The following DET1 variants were observed in gnomAD, a reference collection of about 807,000 sequenced individuals.
The protein encoded by DET1 is DET1 partner of COP1 E3 ubiquitin ligase.
Under a neutral mutation model 43.7 loss-of-function variants are expected in DET1, and 22 were observed. That is an observed-to-expected ratio of 0.50 (90% confidence interval 0.36 to 0.72). The LOEUF (loss-of-function observed/expected upper bound fraction) is 0.72. Among genes scored for constraint, DET1 ranks in the 30% least tolerant of loss-of-function variants. DET1 has a pLI of 0.00. For missense variants in DET1, 713 were observed against 713.3 expected (o/e 1.00, Z 0.00); for synonymous variants, 315 against 266.2 (o/e 1.18, Z -1.79).
At chr15:88,522,254 G>A (rs907699502) in intron 3 of DET1, among the ~76,000 whole-genome samples, 6 of 152,110 alleles carry the variant, frequency 3.9e-5, no homozygotes, top group African/African-American at 1.4e-4. Context: ...GAACTGGATG[G>A]TCCTGCCAAT....
At position 88,531,167 on chromosome 15, in the gene DET1, A is replaced by G; in HGVS notation, c.539T>C (p.Val180Ala). Residue 180 changes from valine to alanine, a missense_variant, in exon 2 of 5, where the codon GTG (valine) becomes GCG (alanine). Coordinates refer to ENST00000268148, the MANE Select transcript of DET1 (RefSeq NM_001144074.3). The surrounding 1 kb of genome is among the most constrained non-coding windows in gnomAD (Gnocchi z 6.2). Reference protein sequence around the residue: ...FFEVYRNSESVTPNPRSPLED... With the variant: ...FFEVYRNSESATPNPRSPLED... ...TAGAGGGGACCGTGGGTTGGGGGTC[A>G]CTGATTCACTGTTCCGATATACCTC... is the stretch of plus-strand genomic sequence containing the variant. 1 of 1,613,888 alleles carries G rather than the reference A, an allele frequency of 6.2e-7. No individual in the cohort carries two copies. The highest frequency in any genetic ancestry group is 8.5e-7 in the Non-Finnish European group (1 of 1,179,840).
intron 1 of DET1, among the ~76,000 whole-genome samples, chr15:88,539,400 G>A (rs1176058357): frequency 6.7e-6 from 1 of 149,550 alleles, no homozygotes; most frequent in Non-Finnish European, 1.5e-5. Context: ...AAGTGACCAG[G>A]TGGGCATCTG....
intron 1 of DET1, among the ~76,000 whole-genome samples, chr15:88,542,416 G>T (rs201802175): frequency 6.6e-6 from 1 of 152,080 alleles, no homozygotes; most frequent in African/African-American, 2.4e-5. Flanking sequence ...AGTTGTCCAG[G>T]GGCCTGATGA....
At position 88,512,547 on chromosome 15, in the gene DET1, G is replaced by A. The variant is rs1158160390; in HGVS notation, c.*404C>T. ...GATAGCCGTGCTTATGAGCTAAATG[G>A]AAAGGATGTATGTCATTCTCATCAG... is the stretch of plus-strand genomic sequence containing the variant. On this transcript the variant is annotated 3_prime_UTR_variant, in exon 5 of 5. Coordinates refer to ENST00000268148, the MANE Select transcript of DET1 (RefSeq NM_001144074.3). 2.0e-6 allele frequency: 2 copies of A among 993,110 alleles called. No individual in the cohort carries two copies. Among genetic ancestry groups the A allele is most frequent in the East Asian group, 2.2e-4 (2 of 9,154 alleles). 61.5% of individuals were successfully genotyped at this position (993,110 alleles called of 1,614,324 possible). A position where few individuals can be genotyped will look rare whatever the true frequency, so the allele number is the denominator to read the frequency against.
At chr15:88,524,213 G>A (rs896773205) in intron 3 of DET1, among the ~76,000 whole-genome samples, 4 of 151,044 alleles carry the variant, frequency 2.6e-5, no homozygotes, top group African/African-American at 4.9e-5. Flanking sequence ...CCGCCAGCCC[G>A]TCTGGGAGGT....
At chr15:88,545,828 A>G (rs1389284757) in intron 1 of DET1, among the ~76,000 whole-genome samples, 1 of 150,898 alleles carries the variant, frequency 6.6e-6, no homozygotes, top group South Asian at 2.1e-4. Flanking sequence ...CCCTTCCTCA[A>G]GGACTTAACT....
chr15:88,545,691 G>C (rs1177633060), intron 1 of DET1, among the ~76,000 whole-genome samples: 1 of 150,374 alleles, frequency 6.7e-6, no homozygotes, highest in Non-Finnish European at 1.5e-5. Context: ...AGGAATCAAT[G>C]ATTTGATTCC....
intron 1 of DET1, among the ~76,000 whole-genome samples, chr15:88,535,702 G>A (rs2056930273): frequency 1.3e-5 from 2 of 152,044 alleles, no homozygotes; most frequent in Non-Finnish European, 2.9e-5. Flanking sequence ...GCTGAAGTGA[G>A]CTGAGATCAT....
At chr15:88,527,920 C>G in intron 2 of DET1, 134 bp from the exon 3 acceptor site, 2 of 562,802 alleles carry the variant, frequency 3.6e-6, no homozygotes, top group East Asian at 3.3e-5. Context: ...ACAACAACAA[C>G]AAGCAAACAC....
At chr15:88,536,594 A>T (rs1333317617) in intron 1 of DET1, among the ~76,000 whole-genome samples, 1 of 152,002 alleles carries the variant, frequency 6.6e-6, no homozygotes, top group East Asian at 1.9e-4. Flanking sequence ...CCTGGCCAAC[A>T]TAGTGAAACT....
intron 3 of DET1, among the ~76,000 whole-genome samples, chr15:88,524,125 G>T (rs1348486912): frequency 1.3e-5 from 2 of 151,364 alleles, no homozygotes; most frequent in East Asian, 3.9e-4. Context: ...CCTCTGCCCG[G>T]CCGCCCCGTC....
intron 3 of DET1, among the ~76,000 whole-genome samples, chr15:88,522,711 G>T (rs1474867572): frequency 6.6e-6 from 1 of 150,988 alleles, no homozygotes; most frequent in Non-Finnish European, 1.5e-5. Flanking sequence ...GAAGAGACGG[G>T]GTTTCACCAT....
intron 1 of DET1, chr15:88,532,016 A>G: frequency 4.0e-6 from 1 of 252,684 alleles, no homozygotes; most frequent in South Asian, 8.1e-5. Flanking sequence ...TATAAGACAC[A>G]TTCGGCTGGG....
intron 3 of DET1, among the ~76,000 whole-genome samples, chr15:88,524,779 C>G (rs2056615674): frequency 6.6e-6 from 1 of 152,008 alleles, no homozygotes; most frequent in South Asian, 2.1e-4. Flanking sequence ...TCACCACTCC[C>G]TAATCTCAAG....
At chr15:88,528,741 C>T (rs1490286948) in intron 2 of DET1, among the ~76,000 whole-genome samples, 1 of 152,228 alleles carries the variant, frequency 6.6e-6, no homozygotes, top group South Asian at 2.1e-4. Flanking sequence ...GATTAGTACT[C>T]CAGCCTCCTA....
At chr15:88,542,057 A>G (rs2057122343) in intron 1 of DET1, among the ~76,000 whole-genome samples, 1 of 152,088 alleles carries the variant, frequency 6.6e-6, no homozygotes, top group Non-Finnish European at 1.5e-5. Context: ...TGGAAAACCC[A>G]TAATCCTCCC....
Position 88,527,666 on chromosome 15 carries a change from G to A in DET1, c.1204C>T (p.Leu402=). ...NFCDLFRNAT[L]HSEVQFPCSA... is the part of the protein sequence containing the mutation. ...CAGGGAAACTGAACTTCACTGTGCA[G>A]GGTAGCATTACGAAAAAGGTCACAG... Residue 402 remains leucine, a synonymous_variant, in exon 3 of 5, where the codon CTG becomes TTG. Transcript: ENST00000268148. 1 of 1,613,796 alleles carries A rather than the reference G, an allele frequency of 6.2e-7. No homozygotes were observed. The highest frequency in any genetic ancestry group is 8.5e-7 in the Non-Finnish European group (1 of 1,179,804).
At position 88,512,732 on chromosome 15, in the gene DET1, G is replaced by A. The variant is rs1342116747; in HGVS notation, c.*219C>T. On this transcript the variant is annotated 3_prime_UTR_variant, in exon 5 of 5. Transcript: ENST00000268148. ...TGCTGGGCATTCCCACAGGGAAAACGCAAGAGGATATTATAACAATCAGTA... is the reference window on the plus strand; with the variant it reads ...TGCTGGGCATTCCCACAGGGAAAACACAAGAGGATATTATAACAATCAGTA... The A allele has an allele frequency of 8.7e-6, 11 of 1,267,716 alleles. No individual in the cohort carries two copies. The highest frequency in any genetic ancestry group is 6.0e-5 in the East Asian group (2 of 33,174). 78.5% of individuals were successfully genotyped at this position (1,267,716 alleles called of 1,614,324 possible). A position where few individuals can be genotyped will look rare whatever the true frequency, so the allele number is the denominator to read the frequency against.
chr15:88,523,805 G>A (rs1354759164), intron 3 of DET1, among the ~76,000 whole-genome samples: 2 of 152,136 alleles, frequency 1.3e-5, no homozygotes, highest in African/African-American at 4.8e-5. Flanking sequence ...CCACCTCCCA[G>A]CCGCCTGCCT....
Sources: gnomAD v4.1 joint callset for allele counts (sites outside exome capture counted in the v4.1 genomes callset) on GRCh38, gnomAD v4.1.1 for gene constraint, Gnocchi (gnomAD v3.1) non-coding constraint, MANE v1.5 for transcripts, NCBI Gene and HGNC (gene_info 2026-07-23, HGNC 2026-07-21) for gene names.